RIPOR2: variants seen among roughly 807,000 people sequenced by gnomAD.
RIPOR2 encodes the protein RHO family interacting cell polarization regulator 2.
A neutral mutation model predicts 114.5 loss-of-function variants in RIPOR2; 39 were observed. That is an observed-to-expected ratio of 0.34 (90% confidence interval 0.26 to 0.44). The LOEUF (loss-of-function observed/expected upper bound fraction) is 0.44, where lower values mean the gene tolerates loss of function less well. Among genes scored for constraint, RIPOR2 ranks in the 20% least tolerant of loss-of-function variants. The pLI, the probability that RIPOR2 is intolerant of heterozygous loss-of-function variation, is 1.00. For missense variants in RIPOR2, 1,007 were observed against 1,255.1 expected, an observed-to-expected ratio of 0.80 and a Z score of 2.99; for synonymous variants, 445 against 484.4, an observed-to-expected ratio of 0.92 and a Z score of 1.07.
intron 19 of RIPOR2, among the ~76,000 whole-genome samples, chr6:24,819,086 C>T (rs1044828384): frequency 6.6e-6 from 1 of 151,878 alleles, no homozygotes. Flanking sequence ...GAAATATTCT[C>T]CTAGAGTCCA....
At chr6:25,024,442 C>T (rs1273020663) in intron 1 of RIPOR2, 15 of 969,096 alleles carry the variant, frequency 1.5e-5, no homozygotes, top group Admixed American at 1.2e-4. Context: ...GTGTCCAGGC[C>T]GCCACCATAG....
intron 1 of RIPOR2, among the ~76,000 whole-genome samples, chr6:25,032,329 C>T (rs931524524): frequency 2.0e-5 from 3 of 152,022 alleles, no homozygotes; most frequent in Non-Finnish European, 4.4e-5. Flanking sequence ...CTTGATATTG[C>T]CTGGTTCTTT....
intron 1 of RIPOR2, among the ~76,000 whole-genome samples, chr6:24,945,582 A>T (rs928289217): frequency 1.3e-5 from 2 of 152,190 alleles, no homozygotes; most frequent in African/African-American, 4.8e-5. Context: ...TAAAGGTGTA[A>T]TTTGTATGAC....
intron 1 of RIPOR2, among the ~76,000 whole-genome samples, chr6:24,953,648 C>T (rs1220090850): frequency 6.6e-6 from 1 of 152,160 alleles, no homozygotes; most frequent in Non-Finnish European, 1.5e-5. Context: ...TGAAGCGGGT[C>T]ACAAGGCTTT....
chr6:24,947,587 T>G (rs994370966), intron 1 of RIPOR2, among the ~76,000 whole-genome samples: 2 of 152,172 alleles, frequency 1.3e-5, no homozygotes, highest in Non-Finnish European at 2.9e-5. Context: ...TTTCCTGACC[T>G]GGGACTGGTG....
Position 24,869,185 on chromosome 6 carries a change from A to C in RIPOR2, c.448-38T>G, listed in dbSNP as rs772000975. On this transcript the variant is annotated intron_variant, in intron 5 of 21. Transcript: ENST00000643898. ...GAAGTTTGAAAAAGTACAGTCATTT[A>C]TAGTTCAATTGACTTAGGCTTGTGA... 13 of 1,076,386 alleles carry C rather than the reference A, an allele frequency of 1.2e-5. No individual in the cohort carries two copies. The African/African-American group carries it at 2.1e-4, about 17-fold the overall frequency. The allele number at this position is 1,076,386 out of a possible 1,614,324, so 66.7% of individuals were successfully genotyped here. A position where few individuals can be genotyped will look rare whatever the true frequency, so the allele number is the denominator to read the frequency against.
At chr6:24,926,492 G>A (rs544927319) in intron 1 of RIPOR2, among the ~76,000 whole-genome samples, 31 of 152,306 alleles carry the variant, frequency 2.0e-4, no homozygotes, top group Non-Finnish European at 2.5e-4. Flanking sequence ...AAGCAATGGG[G>A]TTATTCTCAG....
At chr6:24,968,447 G>A (rs1020108196) in intron 1 of RIPOR2, among the ~76,000 whole-genome samples, 2 of 152,130 alleles carry the variant, frequency 1.3e-5, no homozygotes, top group African/African-American at 4.8e-5. Context: ...CCAGTCTCCA[G>A]TTGGACCACC....
At chr6:24,936,067 A>T (rs1431562880), upstream of RIPOR2, 2 of 577,616 alleles carry the variant, frequency 3.5e-6, no homozygotes, top group East Asian at 2.9e-5. Flanking sequence ...AGGCTTCTTG[A>T]GCCTTGTGAA....
chr6:24,996,038 G>T (rs573087970), intron 1 of RIPOR2, among the ~76,000 whole-genome samples: 8 of 152,234 alleles, frequency 5.3e-5, no homozygotes, highest in African/African-American at 1.4e-4. Flanking sequence ...TCCTGACCTC[G>T]TGATCCACCT....
intron 1 of RIPOR2, among the ~76,000 whole-genome samples, chr6:25,025,796 T>C (rs1561851278): frequency 6.6e-6 from 1 of 152,222 alleles, no homozygotes; most frequent in Admixed American, 6.5e-5. Context: ...CTTCACTTAG[T>C]GCTCTAGTGA....
At position 25,024,154 on chromosome 6, in the gene RIPOR2, C is replaced by G. The variant is rs895985790; in HGVS notation, c.76+17697G>C. On this transcript the variant is annotated intron_variant, in intron 1 of 13. Coordinates refer to the RIPOR2 transcript ENST00000510784. Reference sequence around the variant, plus strand: ...TTACCGGTGGCGCCGCGGGACACCCCCTCCTGCTGGGCGATTTCCACTTGT... The same window carrying G: ...TTACCGGTGGCGCCGCGGGACACCCGCTCCTGCTGGGCGATTTCCACTTGT... The G allele has an allele frequency of 6.2e-6, 7 of 1,132,268 alleles. No homozygotes were observed. In the Admixed American group the frequency reaches 1.1e-4, roughly 17 times the overall value. 70.1% of individuals were successfully genotyped at this position (1,132,268 alleles called of 1,614,324 possible).
At chr6:25,024,015 G>C in intron 1 of RIPOR2, 1 of 751,330 alleles carries the variant, frequency 1.3e-6, no homozygotes, top group Non-Finnish European at 2.5e-6. Flanking sequence ...ATTCCATCAG[G>C]TCATTACGGC....
intron 1 of RIPOR2, among the ~76,000 whole-genome samples, chr6:24,920,612 T>C (rs181778193): frequency 6.6e-5 from 10 of 152,362 alleles, no homozygotes; most frequent in Non-Finnish European, 1.0e-4. Context: ...CTATTATGTA[T>C]ATGCTGCTTT....
At chr6:24,823,645 G>C (rs1260136695) in intron 19 of RIPOR2, among the ~76,000 whole-genome samples, 1 of 152,226 alleles carries the variant, frequency 6.6e-6, no homozygotes, top group Non-Finnish European at 1.5e-5. Context: ...ATAAACATGA[G>C]AGCTGAATTG....
chr6:24,866,986 A>G (rs974268500), intron 6 of RIPOR2, among the ~76,000 whole-genome samples: 6 of 152,230 alleles, frequency 3.9e-5, no homozygotes, highest in Non-Finnish European at 5.9e-5. Context: ...AAAAAGCATT[A>G]CTATAACCTG....
At chr6:24,829,655 A>G (rs1581512271) in intron 17 of RIPOR2, among the ~76,000 whole-genome samples, 1 of 152,046 alleles carries the variant, frequency 6.6e-6, no homozygotes, top group Non-Finnish European at 1.5e-5. Context: ...GCTGTGTAAT[A>G]CTCTATGCTA....
At chr6:25,013,031 T>G (rs1440376956) in intron 1 of RIPOR2, among the ~76,000 whole-genome samples, 1 of 151,930 alleles carries the variant, frequency 6.6e-6, no homozygotes, top group East Asian at 1.9e-4. Flanking sequence ...GGGTTTTTTT[T>G]TTTTTCCTTT....
At chr6:24,902,567 C>T (rs1430744994) in intron 1 of RIPOR2, among the ~76,000 whole-genome samples, 2 of 152,136 alleles carry the variant, frequency 1.3e-5, no homozygotes, top group East Asian at 1.9e-4. Flanking sequence ...AATTTGAGGA[C>T]ACTTCCTGAA....
Sources: allele counts gnomAD v4.1 joint callset (sites outside exome capture counted in the v4.1 genomes callset), GRCh38; gene constraint gnomAD v4.1.1; transcripts MANE v1.5; gene names NCBI Gene and HGNC (gene_info 2026-07-23, HGNC 2026-07-21).